Variants in VWA8 observed in about 807,000 individuals in gnomAD.
VWA8 encodes von Willebrand factor A domain containing 8.
VWA8 carries 221 observed loss-of-function variants against 241.5 expected under a neutral mutation model. That is an observed-to-expected ratio of 0.91 (90% CI 0.82 to 1.02). VWA8 has a LOEUF of 1.02. VWA8 is among the 50% of genes least tolerant of loss of function. VWA8 has a pLI of 0.00. For missense variants in VWA8, 2,322 were observed against 2,328.7 expected (o/e 1.00, Z 0.06); for synonymous variants, 852 against 827.1 (o/e 1.03, Z -0.52).
chr13:41,679,384 A>G (rs2045082165), intron 35 of VWA8, among the ~76,000 whole-genome samples: 1 of 152,248 alleles, frequency 6.6e-6, no homozygotes, highest in South Asian at 2.1e-4. Context: ...ATGTACACCT[A>G]TTAATCACTG....
intron 20 of VWA8, among the ~76,000 whole-genome samples, chr13:41,763,427 A>G (rs1266924157): frequency 6.6e-6 from 1 of 152,204 alleles, no homozygotes; most frequent in Non-Finnish European, 1.5e-5. Flanking sequence ...TGTCAAATTG[A>G]CAAATTCACT....
At chr13:41,878,219 C>T (rs1873994688) in intron 9 of VWA8, among the ~76,000 whole-genome samples, 2 of 151,916 alleles carry the variant, frequency 1.3e-5, no homozygotes, top group African/African-American at 4.8e-5. Context: ...CTTAAGTAAA[C>T]ATTTTTTTCC....
intron 12 of VWA8, among the ~76,000 whole-genome samples, chr13:41,856,559 G>A (rs1488056557): frequency 1.3e-5 from 2 of 152,082 alleles, no homozygotes; most frequent in East Asian, 1.9e-4. Context: ...AGTGGCTAAC[G>A]CCTGTAATCC....
intron 29 of VWA8, among the ~76,000 whole-genome samples, chr13:41,694,156 T>C (rs1269186275): frequency 2.6e-5 from 4 of 152,018 alleles, no homozygotes; most frequent in African/African-American, 4.8e-5. Flanking sequence ...GACCCTTGCC[T>C]TCTGTCATAT....
chr13:41,599,242 C>G (rs568380951), intron 40 of VWA8, among the ~76,000 whole-genome samples: 1 of 152,050 alleles, frequency 6.6e-6, no homozygotes, highest in Non-Finnish European at 1.5e-5. Flanking sequence ...TCTGTTCTTT[C>G]TACTTTTCAT....
At chr13:41,636,338 A>G (rs973007402) in intron 37 of VWA8, among the ~76,000 whole-genome samples, 12 of 152,210 alleles carry the variant, frequency 7.9e-5, no homozygotes, top group Non-Finnish European at 1.3e-4. Context: ...AGGATTCCCT[A>G]TTTAATAAAT....
At chr13:41,908,787 G>T (rs1299035491) in intron 3 of VWA8, among the ~76,000 whole-genome samples, 1 of 152,156 alleles carries the variant, frequency 6.6e-6, no homozygotes, top group Non-Finnish European at 1.5e-5. Context: ...CAATGTTGAA[G>T]TAAAAACAAT....
Position 41,755,487 on chromosome 13 carries a change from C to T in VWA8, c.2426+5641G>A, listed in dbSNP as rs750898524. On this transcript the variant is annotated intron_variant, in intron 21 of 44. Coordinates refer to ENST00000379310, the MANE Select transcript of VWA8 (RefSeq NM_015058.2). ...GGTACTATAAAATATAAATATTTAG[C>T]TTTGAAATTTTTATTATATTTTCAG... Among the ~76,000 whole-genome samples the T allele has an allele frequency of 7.2e-5, 11 of 151,730 alleles. No homozygotes were observed. In the East Asian group the frequency reaches 1.5e-3, roughly 21 times the overall value.
At chr13:41,893,560 A>T (rs1874953717) in intron 4 of VWA8, among the ~76,000 whole-genome samples, 1 of 152,182 alleles carries the variant, frequency 6.6e-6, no homozygotes, top group Non-Finnish European at 1.5e-5. Flanking sequence ...TATAAAGGAC[A>T]AAGTCGTAGA....
At position 41,575,704 on chromosome 13, in the gene VWA8, A is replaced by C. The variant is rs201553011; in HGVS notation, c.5370+36T>G. 3 of 1,491,470 alleles carry C rather than the reference A, an allele frequency of 2.0e-6. No homozygotes were observed. The African/African-American group carries it at 4.2e-5, about 21-fold the overall frequency. 92.4% of individuals were successfully genotyped at this position (1,491,470 alleles called of 1,614,324 possible). On this transcript the variant is annotated intron_variant, in intron 43 of 44. Transcript: ENST00000379310. ...TTTAGTCTTTACCTAACCTGATAGA[A>C]GCTTTCATAATACAGAGGTAATAAA...
At chr13:41,672,678 T>G (rs1239151081) in intron 36 of VWA8, among the ~76,000 whole-genome samples, 3 of 152,146 alleles carry the variant, frequency 2.0e-5, no homozygotes, top group Non-Finnish European at 4.4e-5. Context: ...CACAGAAGAC[T>G]TAGAAAATGT....
At position 41,585,863 on chromosome 13, in the gene VWA8, T is replaced by TAA. The variant is rs5803094; in HGVS notation, c.5271+1647_5271+1648dup. 9.8e-3 allele frequency among the ~76,000 whole-genome samples: 1,005 copies of TAA among 102,614 alleles called. 17 individuals are homozygous for TAA. Among genetic ancestry groups the TAA allele is most frequent in the African/African-American group, 0.036 (930 of 25,592 alleles). 67.3% of individuals were successfully genotyped at this position (102,614 alleles called of 152,430 possible). On this transcript the variant is annotated intron_variant, in intron 42 of 44. Transcript: ENST00000379310. ...TGGGCGACAGAGTGAGACACCGTCT[T>TAA]AAAAAAAAAAAAAAAAGAAAAAGAA... is the stretch of plus-strand genomic sequence containing the variant.
chr13:41,817,615 G>A (rs746289772), intron 15 of VWA8, among the ~76,000 whole-genome samples: 1 of 152,132 alleles, frequency 6.6e-6, no homozygotes, highest in African/African-American at 2.4e-5. Context: ...ATCCTATGAT[G>A]TAATAAATAG....
intron 41 of VWA8, among the ~76,000 whole-genome samples, 199 bp from the exon 42 acceptor site, chr13:41,587,869 G>C (rs2044429532): frequency 6.6e-6 from 1 of 152,174 alleles, no homozygotes; most frequent in Admixed American, 6.5e-5. Flanking sequence ...TTTCAGACTT[G>C]TGCTAATGGT....
chr13:41,786,118 T>C (rs1869178200), intron 18 of VWA8, among the ~76,000 whole-genome samples: 1 of 152,150 alleles, frequency 6.6e-6, no homozygotes. Flanking sequence ...TTTGTCAAGT[T>C]TCTCAGCCTA....
rs771274017 is a variant in VWA8 at position 41,816,786 on chromosome 13, A to G, written c.1870-11T>C. On this transcript the variant is annotated splice_polypyrimidine_tract_variant and intron_variant, in intron 15 of 44. Coordinates refer to ENST00000379310, the MANE Select transcript of VWA8 (RefSeq NM_015058.2). ...AGGTACATTTGGGACCTATTTTTTG[A>G]AAGAGTTGAGGACAAACAGAAGGAA... 1.2e-6 allele frequency: 2 copies of G among 1,606,468 alleles called. No homozygotes were observed. Among genetic ancestry groups the G allele is most frequent in the Non-Finnish European group, 1.7e-6 (2 of 1,174,124 alleles).
rs1593695748 is a variant in VWA8 at position 41,685,028 on chromosome 13, T to TTGG, written c.4327+16_4327+18dup. 2 of 1,602,008 alleles carry TTGG rather than the reference T, an allele frequency of 1.2e-6. No homozygotes were observed. Among genetic ancestry groups the TTGG allele is most frequent in the East Asian group, 4.5e-5 (2 of 44,806 alleles). ...TTAAACCACCTTTGTAAATTAGGAA[T>TTGG]TGGTGAGTTCCTTCTTACCTTTTGG... On this transcript the variant is annotated intron_variant, in intron 35 of 44. Transcript: ENST00000379310.
intron 37 of VWA8, among the ~76,000 whole-genome samples, chr13:41,657,216 T>C (rs917033216): frequency 2.6e-5 from 4 of 151,928 alleles, no homozygotes; most frequent in African/African-American, 9.7e-5. Flanking sequence ...GGAGAACGAC[T>C]GTGTGAGAAT....
In VWA8 at chr13:41,691,315, C is replaced by A; in HGVS notation, c.3866+5G>T. 14 of 1,611,690 alleles carry A rather than the reference C, an allele frequency of 8.7e-6. No individual in the cohort carries two copies. The highest frequency in any genetic ancestry group is 1.2e-5 in the Non-Finnish European group (14 of 1,178,400). On this transcript the variant is annotated splice_donor_5th_base_variant and intron_variant, in intron 32 of 44. Coordinates refer to ENST00000379310, the MANE Select transcript of VWA8 (RefSeq NM_015058.2). ...CTCCATGATACACTATATAAAGCCACTCACTGATTTGTTTTGCTCTCCACC... is the reference window on the plus strand; with the variant it reads ...CTCCATGATACACTATATAAAGCCAATCACTGATTTGTTTTGCTCTCCACC...
Sources: allele counts gnomAD v4.1 joint callset (sites outside exome capture counted in the v4.1 genomes callset), GRCh38; gene constraint gnomAD v4.1.1; transcripts MANE v1.5; gene names NCBI Gene and HGNC (gene_info 2026-07-23, HGNC 2026-07-21).